Variants in DENND1A observed in about 807,000 individuals in gnomAD.
DENND1A encodes the protein DENN domain-containing protein 1A.
In DENND1A, 51 loss-of-function variants were observed where a neutral mutation model predicts 113.7. That is an observed-to-expected ratio of 0.45 (90% CI 0.36 to 0.57). The LOEUF (loss-of-function observed/expected upper bound fraction) is 0.57. Among genes scored for constraint, DENND1A ranks in the 20% least tolerant of loss-of-function variants. The probability of loss-of-function intolerance (pLI) is 0.00; values close to 1 mark genes in which losing one functional copy is unlikely to be tolerated. For synonymous variants in DENND1A, 565 were observed against 570.8 expected, an observed-to-expected ratio of 0.99 and a Z score of 0.14; for missense variants, 1,258 against 1,395.9, an observed-to-expected ratio of 0.90 and a Z score of 1.57.
chr9:123,747,602 A>G (rs1300217508), intron 5 of DENND1A, among the ~76,000 whole-genome samples: 2 of 152,210 alleles, frequency 1.3e-5, no homozygotes, highest in African/African-American at 2.4e-5. Flanking sequence ...ACTACAATAT[A>G]TAGAATTTAA....
intron 1 of DENND1A, among the ~76,000 whole-genome samples, chr9:123,913,778 G>A (rs1854521220): frequency 6.6e-6 from 1 of 151,610 alleles, no homozygotes; most frequent in African/African-American, 2.4e-5. Context: ...GGTGGTGCAT[G>A]CCTGTAATCC....
chr9:123,636,321 CTT>C (rs201586032), intron 9 of DENND1A, among the ~76,000 whole-genome samples: 15 of 146,002 alleles, frequency 1.0e-4, no homozygotes, highest in South Asian at 8.7e-4. Context: ...TCTGATTCCT[CTT>C]TTTTTTTTTT....
intron 1 of DENND1A, among the ~76,000 whole-genome samples, chr9:123,919,460 C>A (rs549561997): frequency 6.7e-6 from 1 of 148,900 alleles, no homozygotes; most frequent in Admixed American, 6.7e-5. Flanking sequence ...TGACAAAGTA[C>A]AACTTCAACT....
At chr9:123,789,434 G>A (rs1832680535) in intron 3 of DENND1A, among the ~76,000 whole-genome samples, 1 of 152,106 alleles carries the variant, frequency 6.6e-6, no homozygotes, top group Non-Finnish European at 1.5e-5. Context: ...AATAAAACGT[G>A]TTGGGTCTGC....
intron 10 of DENND1A, among the ~76,000 whole-genome samples, chr9:123,626,429 ATG>A (rs931143734): frequency 4.0e-5 from 6 of 151,638 alleles, no homozygotes; most frequent in African/African-American, 1.2e-4. Context: ...GTCTCGGGTG[ATG>A]TGTGTCTCCT....
intron 13 of DENND1A, among the ~76,000 whole-genome samples, chr9:123,463,636 G>A (rs1459270620): frequency 6.6e-6 from 1 of 152,122 alleles, no homozygotes; most frequent in Non-Finnish European, 1.5e-5. Flanking sequence ...TCGGCCAGGA[G>A]TAGTGGTTCA....
intron 13 of DENND1A, among the ~76,000 whole-genome samples, chr9:123,505,473 C>T (rs1397708699): frequency 6.6e-6 from 1 of 152,188 alleles, no homozygotes; most frequent in South Asian, 2.1e-4. Context: ...ATATCCCTAC[C>T]AGAAGTCCTA....
intron 1 of DENND1A, among the ~76,000 whole-genome samples, chr9:123,910,647 C>T (rs1286579273): frequency 1.3e-5 from 2 of 152,112 alleles, no homozygotes; most frequent in African/African-American, 4.8e-5. Context: ...AATCAAAAAG[C>T]ACTATTAAGT....
chr9:123,675,264 A>G (rs1311255052), intron 6 of DENND1A, among the ~76,000 whole-genome samples: 1 of 152,230 alleles, frequency 6.6e-6, no homozygotes, highest in African/African-American at 2.4e-5. Context: ...AGCATTTCCC[A>G]AAGTGTGTTC....
intron 19 of DENND1A, among the ~76,000 whole-genome samples, chr9:123,430,773 C>T (rs1189665154): frequency 2.0e-5 from 3 of 152,174 alleles, no homozygotes; most frequent in South Asian, 4.1e-4. Context: ...ACCACCATGG[C>T]ACATGTTTAC....
intron 8 of DENND1A, among the ~76,000 whole-genome samples, chr9:123,663,621 T>G (rs2063352554): frequency 7.0e-6 from 1 of 143,538 alleles, no homozygotes; most frequent in Non-Finnish European, 1.5e-5. Context: ...GGAGGGAGAG[T>G]GGGATTGGGG....
At chr9:123,608,084 A>C (rs920856413) in intron 11 of DENND1A, among the ~76,000 whole-genome samples, 2 of 152,152 alleles carry the variant, frequency 1.3e-5, no homozygotes, top group African/African-American at 2.4e-5. Flanking sequence ...TCTGATCTAA[A>C]TACATCATCC....
At chr9:123,852,908 TTTTTTTTC>T (rs1843589790) in intron 2 of DENND1A, among the ~76,000 whole-genome samples, 1 of 152,066 alleles carries the variant, frequency 6.6e-6, no homozygotes, top group South Asian at 2.1e-4. Context: ...TTTCTTTCTT[TTTTTTTTC>T]TTTTTTTCTT....
intron 13 of DENND1A, among the ~76,000 whole-genome samples, chr9:123,516,884 C>CAAAAAAAA (rs546001517): frequency 1.4e-3 from 135 of 93,288 alleles, no homozygotes; most frequent in African/African-American, 3.7e-3. Context: ...GACTCTGTCT[C>CAAAAAAAA]AAAAAAAAAA....
intron 5 of DENND1A, among the ~76,000 whole-genome samples, chr9:123,715,272 G>C (rs1398319573): frequency 1.3e-5 from 2 of 152,106 alleles, no homozygotes; most frequent in Non-Finnish European, 2.9e-5. Flanking sequence ...CTCAATTCTT[G>C]CAAAAAATAA....
intron 19 of DENND1A, among the ~76,000 whole-genome samples, chr9:123,417,887 G>T (rs927247601): frequency 3.6e-5 from 5 of 137,796 alleles, no homozygotes; most frequent in East Asian, 3.9e-4. Flanking sequence ...CCATAGATTG[G>T]GGGGGGGGCA....
At chr9:123,531,532 C>A (rs1042000459) in intron 13 of DENND1A, among the ~76,000 whole-genome samples, 3 of 143,870 alleles carry the variant, frequency 2.1e-5, no homozygotes, top group East Asian at 4.3e-4. Context: ...TGGCTTTATC[C>A]TTCTCTTCCC....
At chr9:123,864,479 C>G (rs560437674) in intron 2 of DENND1A, among the ~76,000 whole-genome samples, 1 of 152,204 alleles carries the variant, frequency 6.6e-6, no homozygotes, top group Admixed American at 6.5e-5. Context: ...CGCCGAGGCC[C>G]GGGGTAAATG....
Position 123,402,348 on chromosome 9 carries a change from G to A in DENND1A, c.1631+1054C>T, listed in dbSNP as rs536450647. On this transcript the variant is annotated intron_variant, in intron 21 of 23. Transcript: ENST00000394215. ...CTGGTTCCTTAAAGACCGTACCCTC[G>A]CTATCAACCAGAAAATCCTGGAGAG... is the stretch of plus-strand genomic sequence containing the variant. 9.9e-5 allele frequency among the ~76,000 whole-genome samples: 15 copies of A among 152,280 alleles called. No homozygotes were observed. The East Asian group carries it at 2.7e-3, about 27-fold the overall frequency.
Sources: allele counts gnomAD v4.1 joint callset (sites outside exome capture counted in the v4.1 genomes callset), GRCh38; gene constraint gnomAD v4.1.1; transcripts MANE v1.5; gene names NCBI Gene and HGNC (gene_info 2026-07-23, HGNC 2026-07-21).